Variants in SVIL observed in about 807,000 individuals in gnomAD.
The protein encoded by SVIL is archvillin.
In SVIL, 101 loss-of-function variants were observed where a neutral mutation model predicts 240.4. The observed-to-expected ratio is 0.42, with a 90% CI of 0.36 to 0.50. SVIL has a LOEUF of 0.50. Ranked by LOEUF, SVIL falls within the 20% of genes least tolerant of loss-of-function variation. The pLI, the probability that SVIL is intolerant of heterozygous loss-of-function variation, is 0.01. For missense variants in SVIL, 2,512 were observed against 2,818.7 expected (o/e 0.89, Z 2.46); for synonymous variants, 999 against 1,100.0 (o/e 0.91, Z 1.82).
At chr10:29,563,819 AGAG>A (rs1954726061) in intron 2 of SVIL, among the ~76,000 whole-genome samples, 12 of 152,226 alleles carry the variant, frequency 7.9e-5, no homozygotes, top group Admixed American at 7.2e-4. Flanking sequence ...AGGAAATGAA[AGAG>A]GAGAATAATA....
intron 35 of SVIL, among the ~76,000 whole-genome samples, chr10:29,462,899 C>A (rs149400190): frequency 1.1e-3 from 169 of 151,908 alleles, no homozygotes; most frequent in African/African-American, 3.9e-3. Context: ...TGACATTAAA[C>A]TAGTTGTGTC....
At chr10:29,714,635 T>G (rs987764796) in intron 1 of SVIL, among the ~76,000 whole-genome samples, 6 of 152,014 alleles carry the variant, frequency 3.9e-5, no homozygotes, top group Non-Finnish European at 8.8e-5. Flanking sequence ...GTTTTGGAGA[T>G]AAAAGAAAGT....
chr10:29,597,977 T>C (rs1362872125), intron 1 of SVIL, among the ~76,000 whole-genome samples: 2 of 152,076 alleles, frequency 1.3e-5, no homozygotes, highest in African/African-American at 4.8e-5. Context: ...TTATTCACTG[T>C]AGCTAAAATG....
At chr10:29,700,581 C>T (rs1368713512) in intron 1 of SVIL, among the ~76,000 whole-genome samples, 1 of 147,660 alleles carries the variant, frequency 6.8e-6, no homozygotes, top group Non-Finnish European at 1.5e-5. Context: ...CACCATTCTC[C>T]TGCCTCAGCC....
chr10:29,645,584 T>TAAGG, intron 3 of SVIL, among the ~76,000 whole-genome samples: 1 of 151,766 alleles, frequency 6.6e-6, no homozygotes, highest in East Asian at 1.9e-4. Context: ...AATAAATAAA[T>TAAGG]AAGGAAGGAA....
chr10:29,667,359 T>C (rs1002382534), intron 2 of SVIL, among the ~76,000 whole-genome samples: 2 of 152,080 alleles, frequency 1.3e-5, no homozygotes, highest in Admixed American at 1.3e-4. Context: ...GAAGCCAGAC[T>C]CAAAAGACAT....
intron 12 of SVIL, among the ~76,000 whole-genome samples, chr10:29,529,146 G>A (rs10826652): frequency 0.49 from 65,441 of 134,828 alleles, 16,186 homozygotes; most frequent in African/African-American, 0.65. Context: ...ACTGCACTCC[G>A]TTCTGGGTGA....
intron 17 of SVIL, among the ~76,000 whole-genome samples, chr10:29,499,895 G>T (rs1238998855): frequency 5.3e-5 from 8 of 152,226 alleles, no homozygotes; most frequent in Non-Finnish European, 1.2e-4. Flanking sequence ...CTATGCTGTA[G>T]ACAAAACCTA....
intron 1 of SVIL, among the ~76,000 whole-genome samples, chr10:29,688,006 T>C (rs1385399809): frequency 6.6e-6 from 1 of 152,122 alleles, no homozygotes; most frequent in Admixed American, 6.5e-5. Flanking sequence ...TTGCAAATAG[T>C]TCACACACAT....
In SVIL at chr10:29,465,680, T is replaced by C. The variant is rs1057952; in HGVS notation, c.6048A>G (p.Thr2016=). ...GGGCTCGGGCAGGGTACACAAACTC[T>C]GTGGCTGCAAAATCCCCAGAGGAGC... The part of the protein sequence containing the change: ...LSSSSGDFAA[T]EFVYPARAPS... Residue 2016 remains threonine (T), a synonymous_variant, in exon 34 of 38, where the codon ACA becomes ACG. Transcript: ENST00000355867. The C allele has an allele frequency of 0.37, 604,292 of 1,613,120 alleles. 115,689 individuals are homozygous for C. The highest frequency in any genetic ancestry group is 0.54 in the East Asian group (24,071 of 44,832).
chr10:29,493,539 C>A, intron 20 of SVIL, 148 bp from the exon 21 acceptor site: 1 of 849,890 alleles, frequency 1.2e-6, no homozygotes, highest in Non-Finnish European at 1.8e-6. Context: ...TGGTTGCTTC[C>A]CAGGCCCTTA....
In SVIL at chr10:29,703,959, C is replaced by T. The variant is rs537913991; in HGVS notation, c.-399-17308G>A. 4.6e-5 allele frequency among the ~76,000 whole-genome samples: 7 copies of T among 152,210 alleles called. No homozygotes were observed. In the South Asian group the frequency reaches 1.2e-3, roughly 27 times the overall value. ...TAGGACCACAGCCACATGACACCAC[C>T]CCAGCTAATTTTTTAATTTTTTGTA... On this transcript the variant is annotated intron_variant, in intron 1 of 35. Transcript: ENST00000375400.
At chr10:29,560,392 C>T (rs1243118007) in intron 3 of SVIL, among the ~76,000 whole-genome samples, 3 of 152,202 alleles carry the variant, frequency 2.0e-5, no homozygotes, top group African/African-American at 7.2e-5. Context: ...TGTGTTGTAT[C>T]TTAATAAACC....
intron 2 of SVIL, among the ~76,000 whole-genome samples, chr10:29,676,644 G>A (rs1260787563): frequency 6.6e-6 from 1 of 152,224 alleles, no homozygotes; most frequent in Non-Finnish European, 1.5e-5. Flanking sequence ...GTCACTCTGG[G>A]CCCTGAGTTA....
chr10:29,730,694 C>A (rs1964568430), intron 1 of SVIL, among the ~76,000 whole-genome samples: 1 of 152,184 alleles, frequency 6.6e-6, no homozygotes, highest in Admixed American at 6.5e-5. Context: ...CGTGAATCAT[C>A]AGGGGATCTG....
intron 1 of SVIL, among the ~76,000 whole-genome samples, chr10:29,613,236 C>T (rs1397114665): frequency 1.3e-5 from 2 of 150,478 alleles, no homozygotes; most frequent in Non-Finnish European, 3.0e-5. Flanking sequence ...TGCTCTGGTG[C>T]AGTGGAGAGG....
chr10:29,634,993 G>A (rs1357036896), upstream of SVIL: 6 of 151,976 alleles, frequency 3.9e-5, no homozygotes, highest in African/African-American at 7.3e-5. Context: ...ACATGGGACG[G>A]GCCTTTTATG....
chr10:29,476,681 A>C (rs1946231003), intron 29 of SVIL, among the ~76,000 whole-genome samples: 1 of 152,228 alleles, frequency 6.6e-6, no homozygotes, highest in South Asian at 2.1e-4. Context: ...CTGGGGTTAC[A>C]AGTGTGAGTC....
chr10:29,492,069 G>A (rs118044287), intron 21 of SVIL, among the ~76,000 whole-genome samples: 4,199 of 152,246 alleles, frequency 0.028, 93 homozygotes, highest in Middle Eastern at 0.044. Context: ...ATTGCCGTGG[G>A]TGGAGCCTGT....
Sources: allele counts gnomAD v4.1 joint callset (sites outside exome capture counted in the v4.1 genomes callset), GRCh38; gene constraint gnomAD v4.1.1; transcripts MANE v1.5; gene names NCBI Gene and HGNC (gene_info 2026-07-23, HGNC 2026-07-21).